The following HEPH variants were observed in gnomAD, a reference collection of about 807,000 sequenced individuals.
The protein encoded by HEPH is hephaestin.
In HEPH, 69 loss-of-function variants were observed where a neutral mutation model predicts 80.8. That is an observed-to-expected ratio of 0.85 (90% CI 0.70 to 1.04). The LOEUF is 1.04. Among genes scored for constraint, HEPH ranks in the 50% least tolerant of loss-of-function variants. The pLI, the probability that HEPH is intolerant of heterozygous loss-of-function variation, is 0.00. For missense variants in HEPH, 1,115 were observed against 891.3 expected, an observed-to-expected ratio of 1.25 and a Z score of -3.20; for synonymous variants, 431 against 322.8, an observed-to-expected ratio of 1.34 and a Z score of -3.60.
At chrX:66,182,016 G>A (rs1397515180) in intron 4 of HEPH, among the ~76,000 whole-genome samples, 3 of 108,435 alleles carry the variant, frequency 2.8e-5, no homozygotes, top group African/African-American at 3.4e-5. Flanking sequence ...TTGTAGATAT[G>A]CGGCATTATT....
Position 66,192,187 on chromosome X carries a change from T to G in HEPH, c.1121T>G (p.Leu374Arg), listed in dbSNP as rs1182420180. The change falls in exon 7 of 21, where the codon CTG becomes CGG. Residue 374 changes from leucine (L) to arginine (R), a missense_variant. Leu to Arg is a moderately radical substitution (Grantham distance 102, BLOSUM62 -2). Around this residue, in one of 3 missense-constraint regions of HEPH, gnomAD observed 391 missense variants for 343.6 expected, o/e 1.14. Transcript: ENST00000343002. ...KSCSMAPPVD[L>R]LTGKVRQYFI... is the part of the protein sequence containing the mutation. ...TGCTCCATGGCCCCTCCTGTGGACC[T>G]GCTCACAGGCAAAGTTCGACAGTAC... is the stretch of plus-strand genomic sequence containing the variant. 6 of 1,208,302 alleles carry G rather than the reference T, an allele frequency of 5.0e-6. No individual in the cohort carries two copies. In the African/African-American group the frequency reaches 1.1e-4, roughly 21 times the overall value.
intron 19 of HEPH, among the ~76,000 whole-genome samples, chrX:66,262,809 G>A (rs1367461956): frequency 3.6e-5 from 4 of 111,542 alleles, no homozygotes; most frequent in Non-Finnish European, 5.7e-5. Context: ...TCATGGCAGG[G>A]GAGGATAACA....
chrX:66,175,817 G>A (rs1265250101), intron 4 of HEPH, among the ~76,000 whole-genome samples: 1 of 111,150 alleles, frequency 9.0e-6, no homozygotes, highest in African/African-American at 3.3e-5. Flanking sequence ...TTCCCTGCTT[G>A]GTCAATGGTA....
intron 15 of HEPH, among the ~76,000 whole-genome samples, chrX:66,222,684 T>A (rs142948821): frequency 3.6e-4 from 40 of 111,006 alleles, no homozygotes; most frequent in African/African-American, 1.2e-3. Context: ...GACATTGGAG[T>A]CTTTATTGAA....
chrX:66,231,497 C>G (rs1157084431), intron 15 of HEPH, among the ~76,000 whole-genome samples: 1 of 109,394 alleles, frequency 9.1e-6, no homozygotes, highest in Non-Finnish European at 1.9e-5. Flanking sequence ...CTTCACATCC[C>G]TTGTATGTTG....
chrX:66,258,665 A>T (rs1389016430), intron 17 of HEPH, among the ~76,000 whole-genome samples, 175 bp from the exon 18 acceptor site: 1 of 111,927 alleles, frequency 8.9e-6, no homozygotes, highest in Non-Finnish European at 1.9e-5. Context: ...TGATAATATC[A>T]ATGTAAGAAG....
At chrX:66,186,817 T>G (rs1327312052) in intron 4 of HEPH, among the ~76,000 whole-genome samples, 1 of 112,183 alleles carries the variant, frequency 8.9e-6, no homozygotes, top group Admixed American at 9.4e-5. Flanking sequence ...TCCAAATATG[T>G]TTTCAAAACT....
chrX:66,227,806 G>A (rs943983660), intron 15 of HEPH, among the ~76,000 whole-genome samples: 1 of 111,173 alleles, frequency 9.0e-6, no homozygotes, highest in Non-Finnish European at 1.9e-5. Context: ...TGGCCTTATA[G>A]TATAGTTTAA....
chrX:66,218,652 C>T (rs1364948285), intron 15 of HEPH, among the ~76,000 whole-genome samples: 1 of 111,217 alleles, frequency 9.0e-6, no homozygotes, highest in Non-Finnish European at 1.9e-5. Flanking sequence ...TTTCCAACAA[C>T]CGAGCTCCCT....
chrX:66,228,593 A>G (rs1460581582), intron 15 of HEPH, among the ~76,000 whole-genome samples: 1 of 112,656 alleles, frequency 8.9e-6, no homozygotes, highest in Non-Finnish European at 1.9e-5. Context: ...ATAAACAGAC[A>G]TCCCAGAGAG....
At chrX:66,175,872 G>T (rs1422353014) in intron 4 of HEPH, among the ~76,000 whole-genome samples, 1 of 112,002 alleles carries the variant, frequency 8.9e-6, no homozygotes, top group Non-Finnish European at 1.9e-5. Flanking sequence ...CTTATATCCA[G>T]AAACTTTACT....
chrX:66,179,876 T>C (rs1354014353), intron 4 of HEPH, among the ~76,000 whole-genome samples: 2 of 111,791 alleles, frequency 1.8e-5, no homozygotes, highest in Non-Finnish European at 3.8e-5. Flanking sequence ...TTCATGTCTG[T>C]TTTGTCTGAT....
At chrX:66,267,869 T>C (rs766109379), downstream of HEPH, 3 of 111,315 alleles carry the variant, frequency 2.7e-5, no homozygotes, top group Non-Finnish European at 5.7e-5. Flanking sequence ...AATTTTAGAT[T>C]GGGTAAGATG....
At position 66,266,732 on chromosome X, in the gene HEPH, T is replaced by A. The variant is rs765946297; in HGVS notation, c.*60T>A. On this transcript the variant is annotated 3_prime_UTR_variant, in exon 21 of 21. Transcript: ENST00000343002. ...TCTGTAGTGCACTCCCAGCAGGCCA[T>A]GGACTAGTCACTAACCCCACACTCA... is the stretch of plus-strand genomic sequence containing the variant. The A allele has an allele frequency of 3.0e-4, 244 of 811,848 alleles. 1 individual carries two copies. The highest frequency in any genetic ancestry group is 4.2e-4 in the Non-Finnish European group (230 of 553,305). The allele number at this position is 811,848 out of a possible 1,213,427, so 66.9% of individuals were successfully genotyped here. A position where few individuals can be genotyped will look rare whatever the true frequency, so the allele number is the denominator to read the frequency against.
chrX:66,204,579 T>A (rs1271071479), intron 13 of HEPH, among the ~76,000 whole-genome samples: 1 of 112,362 alleles, frequency 8.9e-6, no homozygotes, highest in Non-Finnish European at 1.9e-5. Context: ...AGCAGATAAC[T>A]GGGCTGGACA....
chrX:66,199,390 G>A (rs1043152118), intron 11 of HEPH, among the ~76,000 whole-genome samples: 1 of 109,784 alleles, frequency 9.1e-6, no homozygotes, highest in Non-Finnish European at 1.9e-5. Context: ...GCCAACTGGG[G>A]CTATTTTTCT....
intron 15 of HEPH, among the ~76,000 whole-genome samples, chrX:66,252,143 A>G (rs1353438198): frequency 9.0e-6 from 1 of 111,687 alleles, no homozygotes; most frequent in East Asian, 2.8e-4. Context: ...TGGATATGAG[A>G]TGTGAGGAGT....
chrX:66,197,275 C>A (rs1166877494), intron 9 of HEPH, among the ~76,000 whole-genome samples: 2 of 110,358 alleles, frequency 1.8e-5, no homozygotes, highest in Admixed American at 9.7e-5. Context: ...ATAATCAGAG[C>A]TGTTCAAAGA....
chrX:66,268,803 G>A (rs2091590803), downstream of HEPH: 1 of 111,829 alleles, frequency 8.9e-6, no homozygotes, highest in South Asian at 3.7e-4. Flanking sequence ...ATCTATTTTT[G>A]ACAATCAAGT....
Sources: gnomAD v4.1 joint callset for allele counts (sites outside exome capture counted in the v4.1 genomes callset) on GRCh38, gnomAD v4.1.1 for gene constraint, gnomAD v4.1.1 regional missense constraint, MANE v1.5 for transcripts, NCBI Gene and HGNC (gene_info 2026-07-23, HGNC 2026-07-21) for gene names.